Variants in PNLIPRP1 observed in about 807,000 individuals in gnomAD.
PNLIPRP1 encodes pancreatic lipase related protein 1.
PNLIPRP1 carries 57 observed loss-of-function variants against 54.6 expected under a neutral mutation model. That is an observed-to-expected ratio of 1.04 (90% CI 0.84 to 1.30). PNLIPRP1 has a LOEUF of 1.30. PNLIPRP1 is among the 50% of genes most tolerant of loss of function. PNLIPRP1 has a pLI of 0.00. For synonymous variants in PNLIPRP1, 232 were observed against 208.8 expected, an observed-to-expected ratio of 1.11 and a Z score of -0.96; for missense variants, 567 against 568.5, an observed-to-expected ratio of 1.00 and a Z score of 0.03.
intron 8 of PNLIPRP1, among the ~76,000 whole-genome samples, chr10:116,598,683 T>C (rs892196793): frequency 6.6e-6 from 1 of 152,092 alleles, no homozygotes; most frequent in Admixed American, 6.5e-5. Flanking sequence ...GCAATCACAG[T>C]TAAGGAAGGT....
chr10:116,602,749 G>A (rs564346115), intron 10 of PNLIPRP1, among the ~76,000 whole-genome samples: 23 of 133,236 alleles, frequency 1.7e-4, no homozygotes, highest in South Asian at 1.6e-3. Context: ...GAATGCATGT[G>A]TGAGTGTGTT....
intron 4 of PNLIPRP1, 77 bp downstream of exon 4, chr10:116,592,618 C>T (rs374817761): frequency 6.5e-7 from 1 of 1,535,812 alleles, no homozygotes; most frequent in Non-Finnish European, 9.0e-7. Context: ...TTTATGCACT[C>T]AAGAAATCTT....
chr10:116,599,919 AT>A (rs1167129811), intron 8 of PNLIPRP1, 127 bp from the exon 9 acceptor site: 27 of 693,642 alleles, frequency 3.9e-5, no homozygotes, highest in Non-Finnish European at 6.8e-5. Context: ...TGGTGGCTGA[AT>A]TTTGGATTTA....
Position 116,592,524 on chromosome 10 carries a change from G to C in PNLIPRP1, c.313G>C (p.Val105Leu). The change falls in exon 4 of 13, where the codon GTG (valine) becomes CTG (leucine). Residue 105 changes from valine to leucine, a missense_variant. By Grantham distance (32) the Val-to-Leu change is conservative. Coordinates refer to ENST00000358834, the MANE Select transcript of PNLIPRP1 (RefSeq NM_006229.4). ...CATAGACAAAGGAGATGAGAGCTGG[G>C]TGACAGACATGTGCAAGGTAGGAGC... ...GFIDKGDESW[V>L]TDMCKKLFEV... 6.2e-7 allele frequency: 1 copy of C among 1,614,174 alleles called. No homozygotes were observed. The highest frequency in any genetic ancestry group is 1.7e-5 in the Admixed American group (1 of 60,024).
chr10:116,599,698 A>T (rs1193671780), intron 8 of PNLIPRP1, among the ~76,000 whole-genome samples: 1 of 152,160 alleles, frequency 6.6e-6, no homozygotes, highest in Non-Finnish European at 1.5e-5. Flanking sequence ...GGGTTTAATT[A>T]CCAGCTTTCC....
At chr10:116,602,916 T>C (rs1176268565) in intron 10 of PNLIPRP1, among the ~76,000 whole-genome samples, 10 of 149,430 alleles carry the variant, frequency 6.7e-5, no homozygotes, top group Non-Finnish European at 1.3e-4. Flanking sequence ...TGTGTGCACA[T>C]ACACATGCAT....
chr10:116,600,036 T>C lies in PNLIPRP1; in HGVS notation c.815-11T>C, dbSNP rs3816355. The C allele has an allele frequency of 0.64, 1,025,492 of 1,593,106 alleles. 334,427 individuals carry two copies. Among genetic ancestry groups the C allele is most frequent in the East Asian group, 0.95 (42,411 of 44,780 alleles). On this transcript the variant is annotated splice_polypyrimidine_tract_variant and intron_variant, in intron 8 of 12. Coordinates refer to ENST00000358834, the MANE Select transcript of PNLIPRP1 (RefSeq NM_006229.4). ...AACCACCTGTTCAGGTCTCCTTATTTGTTTTCCCAGGAACCCGGGACTTTG... is the reference window on the plus strand; with the variant it reads ...AACCACCTGTTCAGGTCTCCTTATTCGTTTTCCCAGGAACCCGGGACTTTG...
intron 12 of PNLIPRP1, 87 bp from the exon 13 acceptor site, chr10:116,608,966 C>G: frequency 9.3e-7 from 1 of 1,079,578 alleles, no homozygotes; most frequent in East Asian, 2.4e-5. Flanking sequence ...AAAAACCAAA[C>G]CAAACCAAAC....
chr10:116,605,321 TG>T, intron 11 of PNLIPRP1, 64 bp from the exon 12 acceptor site: 1 of 826,120 alleles, frequency 1.2e-6, no homozygotes, highest in Non-Finnish European at 1.9e-6. Context: ...AACAGCAGCC[TG>T]GCATTGTATG....
At chr10:116,607,046 AATG>A (rs1204224414) in intron 12 of PNLIPRP1, among the ~76,000 whole-genome samples, 82 of 131,130 alleles carry the variant, frequency 6.3e-4, no homozygotes, top group Middle Eastern at 4.5e-3. Context: ...TAATAATAAT[AATG>A]AAGAAGCTAA....
intron 12 of PNLIPRP1, among the ~76,000 whole-genome samples, chr10:116,606,206 G>A (rs1182824702): frequency 2.6e-5 from 4 of 152,176 alleles, no homozygotes; most frequent in African/African-American, 9.7e-5. Flanking sequence ...TGTTCTTGAA[G>A]TTTGGGGTTA....
chr10:116,598,207 T>C, intron 8 of PNLIPRP1, 41 bp downstream of exon 8: 1 of 1,562,866 alleles, frequency 6.4e-7, no homozygotes. Context: ...GCGGGTACTT[T>C]CCTGGAGTGA....
chr10:116,595,946 C>G (rs782738087), intron 5 of PNLIPRP1: 3 of 331,118 alleles, frequency 9.1e-6, no homozygotes, highest in South Asian at 8.9e-5. Context: ...TAGACAACAA[C>G]AAGAAGAGAA....
Position 116,591,144 on chromosome 10 carries a change from G to A in PNLIPRP1, c.15G>A (p.Trp5Ter), listed in dbSNP as rs1847628394. 1.9e-6 allele frequency: 3 copies of A among 1,613,576 alleles called. No individual in the cohort carries two copies. The highest frequency in any genetic ancestry group is 2.7e-5 in the African/African-American group (2 of 75,042). Residue 5 changes from tryptophan to a stop codon, truncating the protein, a stop_gained, in exon 2 of 13, where the codon TGG (tryptophan) becomes TGA (stop). Transcript: ENST00000358834. LOFTEE classifies it high-confidence loss of function. ...ATTTATTGTAGATGCTGATCTTCTG[G>A]ACAATCACACTTTTCCTGCTGGGAG... MLIF[W>*]TITLFLLGAA... is the part of the protein sequence containing the mutation.
chr10:116,600,141 C>T lies in PNLIPRP1; in HGVS notation c.909C>T (p.Cys303=). 6.2e-7 allele frequency: 1 copy of T among 1,610,706 alleles called. No individual in the cohort carries two copies. Among genetic ancestry groups the T allele is most frequent in the Non-Finnish European group, 8.5e-7 (1 of 1,176,910 alleles). The part of the protein sequence containing the change: ...LNPDGFAAYP[C]TSYKSFESDK... Reference sequence around the variant, plus strand: ...CCGATGGGTTTGCTGCATATCCCTGCACTTCCTACAAGTCCTTTGAGTCTG... The same window carrying T: ...CCGATGGGTTTGCTGCATATCCCTGTACTTCCTACAAGTCCTTTGAGTCTG... Residue 303 remains cysteine, a synonymous_variant, in exon 9 of 13, where the codon TGC becomes TGT. Transcript: ENST00000358834.
chr10:116,597,794 T>C, intron 6 of PNLIPRP1, 34 bp from the exon 7 acceptor site: 2 of 1,613,792 alleles, frequency 1.2e-6, no homozygotes, highest in East Asian at 2.2e-5. Context: ...TACAGTCAGG[T>C]CTATTGTTCT....
Position 116,600,047 on chromosome 10 carries a change from G to A in PNLIPRP1, c.815G>A (p.Gly272Glu), listed in dbSNP as rs1758029905. 1.9e-6 allele frequency: 3 copies of A among 1,611,240 alleles called. No homozygotes were observed. Among genetic ancestry groups the A allele is most frequent in the East Asian group, 2.2e-5 (1 of 44,850 alleles). The change falls in exon 9 of 13, where the codon GGA becomes GAA. Residue 272 changes from glycine to glutamate, a missense_variant and splice_region_variant. Physicochemically the swap from Gly to Glu is moderately conservative, Grantham distance 98. Coordinates refer to ENST00000358834, the MANE Select transcript of PNLIPRP1 (RefSeq NM_006229.4). Reference sequence around the variant, plus strand: ...CAGGTCTCCTTATTTGTTTTCCCAGGAACCCGGGACTTTGTGGCTTGCAAT... The same window carrying A: ...CAGGTCTCCTTATTTGTTTTCCCAGAAACCCGGGACTTTGTGGCTTGCAAT... ...QIVDLDGIWA[G>E]TRDFVACNHL...
Position 116,605,463 on chromosome 10 carries a change from A to T in PNLIPRP1, c.1250A>T (p.Lys417Met), listed in dbSNP as rs782597660. The change falls in exon 12 of 13, where the codon AAG becomes ATG. Residue 417 changes from lysine to methionine, a missense_variant. Coordinates refer to ENST00000358834, the MANE Select transcript of PNLIPRP1 (RefSeq NM_006229.4). ...KLDVGTIEKVKFLWNNNVINP... is the reference protein window; with the variant it reads ...KLDVGTIEKVMFLWNNNVINP... Reference sequence around the variant, plus strand: ...GATGTTGGAACAATTGAGAAAGTCAAGTTTCTTTGGAATAACAATGTGATA... The same window carrying T: ...GATGTTGGAACAATTGAGAAAGTCATGTTTCTTTGGAATAACAATGTGATA... 3 of 1,612,086 alleles carry T rather than the reference A, an allele frequency of 1.9e-6. No individual in the cohort carries two copies. The highest frequency in any genetic ancestry group is 2.5e-6 in the Non-Finnish European group (3 of 1,178,454).
intron 10 of PNLIPRP1, 70 bp downstream of exon 10, chr10:116,601,271 C>T: frequency 7.2e-7 from 1 of 1,380,636 alleles, no homozygotes; most frequent in Non-Finnish European, 1.0e-6. Flanking sequence ...GAGGGGCTTG[C>T]TTTCAACCTG....
Sources: allele counts gnomAD v4.1 joint callset (sites outside exome capture counted in the v4.1 genomes callset), GRCh38; gene constraint gnomAD v4.1.1; transcripts MANE v1.5; gene names NCBI Gene and HGNC (gene_info 2026-07-23, HGNC 2026-07-21).